The following SPAG1 variants were observed in gnomAD, a reference collection of about 807,000 sequenced individuals.
SPAG1 encodes the protein sperm-associated antigen 1.
Under a neutral mutation model 100.5 loss-of-function variants are expected in SPAG1, and 69 were observed. The observed-to-expected ratio is 0.69, with a 90% CI of 0.57 to 0.84. The LOEUF (loss-of-function observed/expected upper bound fraction) is 0.84. SPAG1 is among the 40% of genes least tolerant of loss of function. The pLI, the probability that SPAG1 is intolerant of heterozygous loss-of-function variation, is 0.00. For synonymous variants in SPAG1, 336 were observed against 411.6 expected (o/e 0.82, Z 2.22); for missense variants, 955 against 1,133.1 (o/e 0.84, Z 2.26).
chr8:100,239,344 T>G lies in SPAG1; in HGVS notation c.2220T>G (p.Leu740=), dbSNP rs761029749. Residue 740 remains leucine, a synonymous_variant, in exon 17 of 19, where the codon CTT becomes CTG. Coordinates refer to ENST00000388798, the MANE Select transcript of SPAG1 (RefSeq NM_003114.5). The surrounding 1 kb of genome is among the most constrained non-coding windows in gnomAD (Gnocchi z 5.0). The part of the protein sequence containing the change: ...ELEEVTRLLN[L]KDKTAPFNKE... ...AAGAGGTAACTAGACTCCTTAATCT[T>G]AAGGATAAGACAGCACCATTCAACA... is the stretch of plus-strand genomic sequence containing the variant. 8 of 1,596,812 alleles carry G rather than the reference T, an allele frequency of 5.0e-6. No individual in the cohort carries two copies. In the South Asian group the frequency reaches 7.9e-5, roughly 16 times the overall value.
chr8:100,187,374 C>A, intron 8 of SPAG1, 124 bp downstream of exon 8: 2 of 693,968 alleles, frequency 2.9e-6, no homozygotes, highest in Non-Finnish European at 4.2e-6. Flanking sequence ...GTATGTGAAT[C>A]ACCAACTTCA....
intron 13 of SPAG1, 106 bp downstream of exon 13, chr8:100,220,537 T>TA (rs2132388278): frequency 1.1e-6 from 1 of 913,602 alleles, no homozygotes; most frequent in East Asian, 2.6e-5. Context: ...CAGTTACTTT[T>TA]ATCACCTGAA....
At chr8:100,211,108 G>A (rs897737388) in intron 10 of SPAG1, among the ~76,000 whole-genome samples, 1 of 152,074 alleles carries the variant, frequency 6.6e-6, no homozygotes. Context: ...TTACAGGCAT[G>A]AGCCACCGTG....
intron 14 of SPAG1, among the ~76,000 whole-genome samples, chr8:100,227,888 G>T (rs1279927658): frequency 7.7e-6 from 1 of 130,310 alleles, no homozygotes; most frequent in South Asian, 2.4e-4. Context: ...GCTCTGTTGC[G>T]CAGGCTGGGG....
At chr8:100,202,205 A>C (rs1267408235) in intron 10 of SPAG1, among the ~76,000 whole-genome samples, 1 of 152,114 alleles carries the variant, frequency 6.6e-6, no homozygotes, top group African/African-American at 2.4e-5. Flanking sequence ...GTTGATGATT[A>C]TTGTGGTGGT....
chr8:100,226,332 G>A (rs944018292), intron 14 of SPAG1, among the ~76,000 whole-genome samples: 1 of 152,110 alleles, frequency 6.6e-6, no homozygotes, highest in African/African-American at 2.4e-5. Context: ...TGTCTCACAA[G>A]GAGGTTGTCA....
chr8:100,184,142 GTC>G, intron 6 of SPAG1, 80 bp downstream of exon 6: 1 of 621,658 alleles, frequency 1.6e-6, no homozygotes, highest in Non-Finnish European at 2.7e-6. Context: ...AGAAGACATT[GTC>G]TTTGAGTACT....
intron 7 of SPAG1, among the ~76,000 whole-genome samples, chr8:100,186,323 G>A (rs965341667): frequency 4.0e-5 from 6 of 151,864 alleles, no homozygotes; most frequent in Admixed American, 1.3e-4. Context: ...CTGTCACCTC[G>A]GTCTCCCAAA....
At chr8:100,160,115 CTAT>C (rs1163637815) in intron 1 of SPAG1, among the ~76,000 whole-genome samples, 2 of 152,078 alleles carry the variant, frequency 1.3e-5, no homozygotes, top group South Asian at 2.1e-4. Flanking sequence ...ATATTTGTTG[CTAT>C]TATTATTATC....
At chr8:100,238,113 T>C (rs1819090402) in intron 16 of SPAG1, among the ~76,000 whole-genome samples, 1 of 152,204 alleles carries the variant, frequency 6.6e-6, no homozygotes, top group Non-Finnish European at 1.5e-5. Flanking sequence ...CTTGCCCTCC[T>C]GCTCCACTCC....
Position 100,241,608 on chromosome 8 carries a change from G to C in SPAG1, c.*586G>C, listed in dbSNP as rs1819275111. On this transcript the variant is annotated 3_prime_UTR_variant, in exon 19 of 19. Transcript: ENST00000388798. This position sits in a 1 kb window ranked among gnomAD's most constrained non-coding sequence, Gnocchi z 5.1. Reference sequence around the variant, plus strand: ...TACGGAAGCATTGCCTAATAATTAAGAACAAAAATTGCCAAAAATTTCTAC... The same window carrying C: ...TACGGAAGCATTGCCTAATAATTAACAACAAAAATTGCCAAAAATTTCTAC... The C allele has an allele frequency of 6.6e-6, 1 of 152,060 alleles. No homozygotes were observed. Among genetic ancestry groups the C allele is most frequent in the South Asian group, 2.1e-4 (1 of 4,826 alleles). 9.4% of individuals were successfully genotyped at this position (152,060 alleles called of 1,614,324 possible). A position where few individuals can be genotyped will look rare whatever the true frequency, so the allele number is the denominator to read the frequency against.
intron 10 of SPAG1, among the ~76,000 whole-genome samples, chr8:100,199,654 C>T (rs1179544056): frequency 6.6e-6 from 1 of 152,154 alleles, no homozygotes; most frequent in African/African-American, 2.4e-5. Flanking sequence ...ATCATGTTGG[C>T]CAGGCTGGTC....
chr8:100,194,634 A>C (rs983613260), intron 10 of SPAG1: 1 of 407,976 alleles, frequency 2.5e-6, no homozygotes, highest in Non-Finnish European at 4.3e-6. Flanking sequence ...GTTTCAAAAC[A>C]GGTATGGGTA....
chr8:100,158,750 T>C (rs528103792), intron 1 of SPAG1, 134 bp downstream of exon 1: 3 of 152,132 alleles, frequency 2.0e-5, no homozygotes. Context: ...AGTTCTAAAG[T>C]ATTGTATAAC....
intron 3 of SPAG1, among the ~76,000 whole-genome samples, chr8:100,169,695 G>A (rs1815732144): frequency 6.6e-6 from 1 of 151,934 alleles, no homozygotes; most frequent in Non-Finnish European, 1.5e-5. Context: ...CTGAGATGGT[G>A]TCACTGAACT....
rs1390933962 is a variant in SPAG1 at position 100,239,411 on chromosome 8, G to A, written c.2280+7G>A. 4 of 1,563,450 alleles carry A rather than the reference G, an allele frequency of 2.6e-6. No individual in the cohort carries two copies. The highest frequency in any genetic ancestry group is 2.6e-6 in the Non-Finnish European group (3 of 1,134,298). On this transcript the variant is annotated splice_region_variant and intron_variant, in intron 17 of 18. Coordinates refer to ENST00000388798, the MANE Select transcript of SPAG1 (RefSeq NM_003114.5). This position sits in a 1 kb window ranked among gnomAD's most constrained non-coding sequence, Gnocchi z 5.0. The stretch of plus-strand genomic sequence containing the variant: ...GAAAATTGAGATTCAAGAGGTATTT[G>A]TATTTGATTATCTTTGAAAGTACTC...
intron 4 of SPAG1, 33 bp from the exon 5 acceptor site, chr8:100,183,340 AAT>A (rs772164356): frequency 5.4e-6 from 5 of 928,768 alleles, no homozygotes; most frequent in East Asian, 5.1e-5. Flanking sequence ...TCTTATATTA[AAT>A]ATGTCTCATA....
In SPAG1 at chr8:100,213,163, T is replaced by A. The variant is rs891657557; in HGVS notation, c.1170T>A (p.Thr390=). The A allele has an allele frequency of 6.8e-7, 1 of 1,474,620 alleles. No homozygotes were observed. Among genetic ancestry groups the A allele is most frequent in the Non-Finnish European group, 8.9e-7 (1 of 1,119,014 alleles). The allele number at this position is 1,474,620 out of a possible 1,614,324, so 91.3% of individuals were successfully genotyped here. Residue 390 remains threonine, a synonymous_variant, in exon 11 of 19, where the codon ACT becomes ACA. Coordinates refer to ENST00000388798, the MANE Select transcript of SPAG1 (RefSeq NM_003114.5). ...CVMGNIQKKL[T]GKAEGGKRPA... ...TGGGCAACATCCAGAAGAAGCTGAC[T>A]GGCAAAGCCGAAGGCGGCAAGCGGC... is the stretch of plus-strand genomic sequence containing the variant.
At position 100,220,334 on chromosome 8, in the gene SPAG1, T is replaced by A. The variant is rs148641104; in HGVS notation, c.1591T>A (p.Tyr531Asn). ...ACCTCTTCTGAGGCGGGCGATGGCCTATGAAACTCTAGAGCAGTATGGGAA... is the reference window on the plus strand; with the variant it reads ...ACCTCTTCTGAGGCGGGCGATGGCCAATGAAACTCTAGAGCAGTATGGGAA... ...MKPLLRRAMA[Y>N]ETLEQYGKAY... The change falls in exon 13 of 19, where the codon TAT becomes AAT. Residue 531 changes from tyrosine to asparagine, a missense_variant. Tyr to Asn is a moderately radical substitution (Grantham distance 143). Transcript: ENST00000388798. 1.2e-6 allele frequency: 2 copies of A among 1,614,134 alleles called. No individual in the cohort carries two copies. The highest frequency in any genetic ancestry group is 2.2e-5 in the South Asian group (2 of 91,088).
Sources: allele counts gnomAD v4.1 joint callset (sites outside exome capture counted in the v4.1 genomes callset), GRCh38; gene constraint gnomAD v4.1.1; non-coding constraint Gnocchi (gnomAD v3.1); transcripts MANE v1.5; gene names NCBI Gene and HGNC (gene_info 2026-07-23, HGNC 2026-07-21).